Variants in TRAPPC9 observed in about 807,000 individuals in gnomAD.
TRAPPC9 encodes trafficking protein particle complex subunit 9.
A neutral mutation model predicts 124.0 loss-of-function variants in TRAPPC9; 83 were observed. The observed-to-expected ratio is 0.67, with a 90% CI of 0.56 to 0.80. The LOEUF is 0.80. Among genes scored for constraint, TRAPPC9 ranks in the 30% least tolerant of loss-of-function variants. The pLI, the probability that TRAPPC9 is intolerant of heterozygous loss-of-function variation, is 0.00. For missense variants in TRAPPC9, 1,302 were observed against 1,508.3 expected (o/e 0.86, Z 2.27); for synonymous variants, 638 against 617.5 (o/e 1.03, Z -0.49).
At chr8:140,040,827 G>A (rs1039444195) in intron 17 of TRAPPC9, 4 of 152,206 alleles carry the variant, frequency 2.6e-5, no homozygotes, top group African/African-American at 7.2e-5. Context: ...CCTGAGCCAC[G>A]GGGAGGCCCA....
At chr8:140,030,419 T>A (rs1204812359) in intron 17 of TRAPPC9, among the ~76,000 whole-genome samples, 1 of 152,182 alleles carries the variant, frequency 6.6e-6, no homozygotes, top group African/African-American at 2.4e-5. Context: ...GGTGGCACTA[T>A]AAAATAGTAA....
At chr8:139,924,098 A>C (rs1438729788) in intron 19 of TRAPPC9, among the ~76,000 whole-genome samples, 1 of 152,110 alleles carries the variant, frequency 6.6e-6, no homozygotes, top group Admixed American at 6.5e-5. Flanking sequence ...GGTGACAGAG[A>C]AGAACTCCAG....
chr8:139,795,262 T>C (rs944689238), intron 21 of TRAPPC9, among the ~76,000 whole-genome samples: 1 of 152,018 alleles, frequency 6.6e-6, no homozygotes, highest in Non-Finnish European at 1.5e-5. Flanking sequence ...ACCCCATTTA[T>C]CAGACAATTA....
At chr8:140,106,781 T>C (rs1378630208) in intron 17 of TRAPPC9, among the ~76,000 whole-genome samples, 1 of 152,136 alleles carries the variant, frequency 6.6e-6, no homozygotes, top group Non-Finnish European at 1.5e-5. Flanking sequence ...CGAAGCAAGA[T>C]AGCCTATATA....
At chr8:140,450,687 A>G (rs568488179) in intron 2 of TRAPPC9, 103 bp downstream of exon 2, 3 of 957,092 alleles carry the variant, frequency 3.1e-6, no homozygotes, top group African/African-American at 3.3e-5. Flanking sequence ...TTAAAAACCA[A>G]TGGACAACAC....
chr8:140,389,116 C>T (rs528388708), intron 7 of TRAPPC9, among the ~76,000 whole-genome samples: 77 of 151,920 alleles, frequency 5.1e-4, no homozygotes, highest in Non-Finnish European at 9.4e-4. Context: ...CGCTACTATG[C>T]CTGGTTAATT....
chr8:140,014,805 C>T (rs538055646), intron 18 of TRAPPC9, among the ~76,000 whole-genome samples: 1 of 152,154 alleles, frequency 6.6e-6, no homozygotes. Flanking sequence ...ATGTAACACC[C>T]CCAGATAGGA....
chr8:140,221,337 A>C, intron 17 of TRAPPC9, 122 bp downstream of exon 17: 1 of 1,419,052 alleles, frequency 7.0e-7, no homozygotes, highest in Non-Finnish European at 9.8e-7. Flanking sequence ...GAATACCAAG[A>C]ATCCAGCTTT....
intron 21 of TRAPPC9, among the ~76,000 whole-genome samples, chr8:139,797,371 T>C (rs4394369): frequency 0.059 from 8,925 of 152,268 alleles, 361 homozygotes; most frequent in East Asian, 0.13. Flanking sequence ...GCAATTCTCC[T>C]GCCTCAGCCT....
chr8:139,792,822 T>A (rs1416324310), intron 21 of TRAPPC9, among the ~76,000 whole-genome samples: 1 of 152,190 alleles, frequency 6.6e-6, no homozygotes, highest in Non-Finnish European at 1.5e-5. Flanking sequence ...AGACTTTACA[T>A]CCTACTCGTG....
intron 20 of TRAPPC9, among the ~76,000 whole-genome samples, chr8:139,902,274 G>A (rs1256125262): frequency 1.3e-5 from 2 of 152,158 alleles, no homozygotes. Flanking sequence ...TTTCAAGGTG[G>A]GCATGGCCAC....
chr8:140,185,767 G>A (rs146425529), intron 17 of TRAPPC9, among the ~76,000 whole-genome samples: 150 of 152,330 alleles, frequency 9.8e-4, no homozygotes, highest in Non-Finnish European at 1.8e-3. Flanking sequence ...GCATTATTTC[G>A]CAGCTGATGG....
intron 17 of TRAPPC9, among the ~76,000 whole-genome samples, chr8:140,158,011 A>T (rs540040318): frequency 1.6e-3 from 245 of 152,296 alleles, no homozygotes; most frequent in African/African-American, 5.5e-3. Flanking sequence ...TCATAATTTC[A>T]TTCCCTGTTG....
At chr8:139,735,366 A>G (rs1818088161) in intron 21 of TRAPPC9, among the ~76,000 whole-genome samples, 1 of 152,224 alleles carries the variant, frequency 6.6e-6, no homozygotes, top group Non-Finnish European at 1.5e-5. Flanking sequence ...CTGTTGGGGC[A>G]GCGGCTTTCG....
chr8:140,387,702 G>A (rs2068791613), intron 7 of TRAPPC9, among the ~76,000 whole-genome samples: 1 of 152,160 alleles, frequency 6.6e-6, no homozygotes, highest in African/African-American at 2.4e-5. Flanking sequence ...TCAGAATGGT[G>A]ATCATTAAAA....
chr8:139,810,119 C>A (rs73726658), intron 21 of TRAPPC9, among the ~76,000 whole-genome samples: 1,903 of 152,218 alleles, frequency 0.013, 42 homozygotes, highest in African/African-American at 0.044. Context: ...TGCCAGAATA[C>A]ATATGATATG....
chr8:140,283,890 T>C lies in TRAPPC9; in HGVS notation c.2113A>G (p.Arg705Gly), dbSNP rs748405461. 1 of 1,613,830 alleles carries C rather than the reference T, an allele frequency of 6.2e-7. No individual in the cohort carries two copies. Among genetic ancestry groups the C allele is most frequent in the South Asian group, 1.1e-5 (1 of 91,058 alleles). ...CTCTGTGACCCTCGTGCACACTACCTGGGCAGAGAGGTGCTGATCTGCAGT... is the reference window on the plus strand; with the variant it reads ...CTCTGTGACCCTCGTGCACACTACCCGGGCAGAGAGGTGCTGATCTGCAGT... ...PRLQISTSLP[R>G]SAHSLQPSSG... Residue 705 changes from arginine to glycine, a missense_variant and splice_region_variant, in exon 14 of 23, where the codon AGA (arginine) becomes GGA (glycine). Arg to Gly is a moderately radical substitution (Grantham distance 125). Around this residue, in one of 3 missense-constraint regions of TRAPPC9, gnomAD observed 640 missense variants for 679.3 expected, o/e 0.94. Coordinates refer to ENST00000438773, the MANE Select transcript of TRAPPC9 (RefSeq NM_001160372.4).
rs145024401 is a variant in TRAPPC9 at position 140,382,316 on chromosome 8, G to A, written c.1135-11136C>T. On this transcript the variant is annotated intron_variant, in intron 7 of 22. Coordinates refer to ENST00000438773, the MANE Select transcript of TRAPPC9 (RefSeq NM_001160372.4). ...TGCAGGACAGTGGGTGCAGTGCATC[G>A]AGCATGGGCCGAAGCAGGATGAGGC... Among the ~76,000 whole-genome samples, 817 of 152,314 alleles carry A rather than the reference G, an allele frequency of 5.4e-3. 5 individuals are homozygous for A. The highest frequency in any genetic ancestry group is 8.0e-3 in the Non-Finnish European group (546 of 68,012).
rs2063188418 is a variant in TRAPPC9, at chr8:140,216,184, C to A, written c.2556+5275G>T. On this transcript the variant is annotated intron_variant, in intron 17 of 22. Coordinates refer to ENST00000438773, the MANE Select transcript of TRAPPC9 (RefSeq NM_001160372.4). This position sits in a 1 kb window ranked among gnomAD's most constrained non-coding sequence, Gnocchi z 4.1. ...GATAATAGCACCTACTCAAACAACT[C>A]TCAAGGGAATCCAAAAGGACAATTT... 6.6e-6 allele frequency: 1 copy of A among 152,222 alleles called. No homozygotes were observed. 9.4% of individuals were successfully genotyped at this position (152,222 alleles called of 1,614,324 possible). A position where few individuals can be genotyped will look rare whatever the true frequency, so the allele number is the denominator to read the frequency against.
Sources: allele counts gnomAD v4.1 joint callset (sites outside exome capture counted in the v4.1 genomes callset), GRCh38; gene constraint gnomAD v4.1.1; regional missense constraint gnomAD v4.1.1; non-coding constraint Gnocchi (gnomAD v3.1); transcripts MANE v1.5; gene names NCBI Gene and HGNC (gene_info 2026-07-23, HGNC 2026-07-21).